Variants in RBMS2 observed in about 807,000 individuals in gnomAD.
The protein encoded by RBMS2 is RNA binding motif single stranded interacting protein 2.
Under a neutral mutation model 58.4 loss-of-function variants are expected in RBMS2, and 38 were observed. The ratio of observed to expected loss-of-function variants is 0.65; its 90% confidence interval spans 0.50 to 0.85. The LOEUF is 0.85. Among genes scored for constraint, RBMS2 ranks in the 40% least tolerant of loss-of-function variants. The probability of loss-of-function intolerance (pLI) is 0.00; values close to 1 mark genes in which losing one functional copy is unlikely to be tolerated. For synonymous variants in RBMS2, 151 were observed against 180.7 expected, an observed-to-expected ratio of 0.84 and a Z score of 1.32; for missense variants, 367 against 503.7, an observed-to-expected ratio of 0.73 and a Z score of 2.60.
In RBMS2 at chr12:56,521,973, C is replaced by G. The variant is rs764546274; in HGVS notation, c.-51C>G. 3 of 825,206 alleles carry G rather than the reference C, an allele frequency of 3.6e-6. No individual in the cohort carries two copies. The highest frequency in any genetic ancestry group is 5.1e-5 in the Admixed American group (2 of 39,258). 51.1% of individuals were successfully genotyped at this position (825,206 alleles called of 1,614,324 possible). A position where few individuals can be genotyped will look rare whatever the true frequency, so the allele number is the denominator to read the frequency against. On this transcript the variant is annotated 5_prime_UTR_variant, in exon 1 of 14. Transcript: ENST00000262031. ...TCCCTCCCCGTCTTTCTTACCCCCT[C>G]CCTTTCTCTCTCTCTCTCTCTCTCG...
At chr12:56,539,706 GT>G (rs1565735656) in intron 1 of RBMS2, 9 of 451,916 alleles carry the variant, frequency 2.0e-5, no homozygotes, top group Admixed American at 1.9e-4. Flanking sequence ...GTTCGCTCTT[GT>G]TGCCCAGACT....
chr12:56,586,996 T>G, intron 10 of RBMS2, 70 bp downstream of exon 10: 1 of 1,469,970 alleles, frequency 6.8e-7, no homozygotes, highest in Non-Finnish European at 9.5e-7. Context: ...CTGGGCACTG[T>G]GGCTCACGCC....
At chr12:56,584,328 G>C (rs1884369136) in intron 9 of RBMS2, among the ~76,000 whole-genome samples, 2 of 151,832 alleles carry the variant, frequency 1.3e-5, no homozygotes, top group East Asian at 3.9e-4. Context: ...AGTAACTCAG[G>C]AGGCTGAGGT....
At chr12:56,588,270 G>A in intron 11 of RBMS2, 24 bp from the exon 12 acceptor site, 1 of 1,597,472 alleles carries the variant, frequency 6.3e-7, no homozygotes, top group Non-Finnish European at 8.6e-7. Context: ...ACTGCTGTAA[G>A]CCTGTTGATG....
chr12:56,565,328 C>G (rs530362118), intron 2 of RBMS2, among the ~76,000 whole-genome samples: 1 of 152,206 alleles, frequency 6.6e-6, no homozygotes. Context: ...ATTATTTTGT[C>G]ACCTGGGTAC....
chr12:56,581,922 C>G (rs747486530), intron 8 of RBMS2, 43 bp downstream of exon 8: 1 of 1,600,504 alleles, frequency 6.2e-7, no homozygotes, highest in African/African-American at 1.3e-5. Flanking sequence ...TGATAATGGC[C>G]TGTGTCCAGA....
At chr12:56,521,731 A>G (rs543434155), upstream of RBMS2, among the ~76,000 whole-genome samples, 1 of 140,700 alleles carries the variant, frequency 7.1e-6, no homozygotes, top group Non-Finnish European at 1.5e-5. Context: ...AAAAACAAAC[A>G]AAAAAAAACA....
At chr12:56,582,473 G>T (rs532728242) in intron 9 of RBMS2, among the ~76,000 whole-genome samples, 1 of 152,144 alleles carries the variant, frequency 6.6e-6, no homozygotes, top group East Asian at 1.9e-4. Context: ...ACAAAAATTG[G>T]ACCAGATTAA....
At chr12:56,532,959 G>C (rs1009841696) in intron 1 of RBMS2, among the ~76,000 whole-genome samples, 2 of 151,528 alleles carry the variant, frequency 1.3e-5, no homozygotes, top group African/African-American at 4.9e-5. Flanking sequence ...TTTTGAGACT[G>C]GGTCTCACTT....
chr12:56,585,221 C>T (rs1454901746), intron 9 of RBMS2, among the ~76,000 whole-genome samples: 1 of 152,182 alleles, frequency 6.6e-6, no homozygotes, highest in Non-Finnish European at 1.5e-5. Context: ...AATGTGTAAT[C>T]ATCAGGAATT....
intron 1 of RBMS2, among the ~76,000 whole-genome samples, chr12:56,531,785 C>G (rs920506725): frequency 2.0e-5 from 3 of 149,938 alleles, no homozygotes; most frequent in African/African-American, 7.4e-5. Context: ...CCACTGGACT[C>G]CAGCCCAGGC....
At chr12:56,544,586 C>A (rs1446614238) in intron 1 of RBMS2, among the ~76,000 whole-genome samples, 1 of 152,054 alleles carries the variant, frequency 6.6e-6, no homozygotes, top group East Asian at 1.9e-4. Context: ...GTCTACCCAT[C>A]CTCATCACAT....
chr12:56,581,306 A>G lies in RBMS2; in HGVS notation c.622+43A>G, dbSNP rs761996915. The G allele has an allele frequency of 2.5e-6, 4 of 1,583,354 alleles. No individual in the cohort carries two copies. In the East Asian group the frequency reaches 8.9e-5, roughly 35 times the overall value. On this transcript the variant is annotated intron_variant, in intron 6 of 13. Coordinates refer to ENST00000262031, the MANE Select transcript of RBMS2 (RefSeq NM_002898.4). ...CAGGCTGAGAGGGCCACAGGTTGTT[A>G]CTTCCAGTGAAGATTCTGGAGCAGC...
At chr12:56,588,649 G>T in intron 12 of RBMS2, 1 of 587,802 alleles carries the variant, frequency 1.7e-6, no homozygotes, top group Non-Finnish European at 3.0e-6. Context: ...ATGTAGGAAA[G>T]AAGGACTTGG....
chr12:56,570,557 C>T, intron 4 of RBMS2, among the ~76,000 whole-genome samples: 1 of 152,070 alleles, frequency 6.6e-6, no homozygotes, highest in East Asian at 1.9e-4. Flanking sequence ...GGGATTGTCT[C>T]CTTGCCTTTC....
intron 12 of RBMS2, 101 bp from the exon 13 acceptor site, chr12:56,588,821 GTGGGTAGGTT>G: frequency 1.1e-6 from 1 of 911,462 alleles, no homozygotes; most frequent in South Asian, 1.4e-5. Context: ...AGTGTGGAGA[GTGGGTAGGTT>G]TGGGAGGGCA....
At chr12:56,527,601 C>T (rs1433978174) in intron 1 of RBMS2, among the ~76,000 whole-genome samples, 1 of 151,670 alleles carries the variant, frequency 6.6e-6, no homozygotes, top group Non-Finnish European at 1.5e-5. Flanking sequence ...CCGACAACAG[C>T]GAGACTCCAT....
chr12:56,587,746 T>C (rs1431719681), intron 11 of RBMS2, 82 bp downstream of exon 11: 5 of 1,458,310 alleles, frequency 3.4e-6, no homozygotes, highest in African/African-American at 1.4e-5. Context: ...AAGTAACTTA[T>C]GAATAATGAT....
At position 56,588,183 on chromosome 12, in the gene RBMS2, TA is replaced by T. The variant is rs1293821908; in HGVS notation, c.1063-110del. 5 of 857,738 alleles carry T rather than the reference TA, an allele frequency of 5.8e-6. No homozygotes were observed. The Admixed American group carries it at 1.1e-4, about 19-fold the overall frequency. 53.1% of individuals were successfully genotyped at this position (857,738 alleles called of 1,614,324 possible). A position where few individuals can be genotyped will look rare whatever the true frequency, so the allele number is the denominator to read the frequency against. ...ATGCAAATGCTCAGACCAATTAAAATAGAATCTCTGGGGTAGAATACAGGTG... is the reference window on the plus strand; with the variant it reads ...ATGCAAATGCTCAGACCAATTAAAATGAATCTCTGGGGTAGAATACAGGTG... On this transcript the variant is annotated intron_variant, in intron 11 of 13. Transcript: ENST00000262031.
Sources: allele counts gnomAD v4.1 joint callset (sites outside exome capture counted in the v4.1 genomes callset), GRCh38; gene constraint gnomAD v4.1.1; transcripts MANE v1.5; gene names NCBI Gene and HGNC (gene_info 2026-07-23, HGNC 2026-07-21).